Variants in NAALADL2 observed in about 807,000 individuals in gnomAD.
NAALADL2 encodes the protein inactive N-acetylated-alpha-linked acidic dipeptidase-like protein 2.
In NAALADL2, 76 loss-of-function variants were observed where a neutral mutation model predicts 87.2. That is an observed-to-expected ratio of 0.87 (90% confidence interval 0.72 to 1.05). NAALADL2 has a LOEUF of 1.05. NAALADL2 is among the 50% of genes least tolerant of loss of function. The pLI is 0.00. For missense variants in NAALADL2, 1,089 were observed against 945.8 expected, an observed-to-expected ratio of 1.15 and a Z score of -1.99; for synonymous variants, 354 against 331.0, an observed-to-expected ratio of 1.07 and a Z score of -0.75.
chr3:175,123,014 C>G (rs1230414019), intron 2 of NAALADL2, among the ~76,000 whole-genome samples: 1 of 151,836 alleles, frequency 6.6e-6, no homozygotes, highest in Non-Finnish European at 1.5e-5. Flanking sequence ...ATAATGAACC[C>G]ATTTTCATGA....
intron 1 of NAALADL2, among the ~76,000 whole-genome samples, chr3:174,496,290 A>G (rs1328574350): frequency 6.6e-6 from 1 of 152,152 alleles, no homozygotes; most frequent in Non-Finnish European, 1.5e-5. Context: ...GAGAAAATGT[A>G]ACTTCCATTA....
intron 1 of NAALADL2, among the ~76,000 whole-genome samples, chr3:174,919,172 G>A (rs186109661): frequency 1.3e-5 from 2 of 152,160 alleles, no homozygotes; most frequent in Non-Finnish European, 2.9e-5. Flanking sequence ...CTGACTGATC[G>A]TGGTGGTGAT....
At chr3:174,640,461 G>T (rs1723060687) in intron 2 of NAALADL2, among the ~76,000 whole-genome samples, 1 of 152,162 alleles carries the variant, frequency 6.6e-6, no homozygotes, top group Non-Finnish European at 1.5e-5. Flanking sequence ...ATCAGTGTGT[G>T]TGTGTGGAAG....
At chr3:174,826,097 A>T (rs1369535263) in intron 3 of NAALADL2, among the ~76,000 whole-genome samples, 1 of 152,004 alleles carries the variant, frequency 6.6e-6, no homozygotes, top group Admixed American at 6.5e-5. Context: ...CCAAGACAAA[A>T]CAAAACAAAA....
chr3:174,611,246 T>A (rs1002690411), intron 2 of NAALADL2, among the ~76,000 whole-genome samples: 1 of 151,868 alleles, frequency 6.6e-6, no homozygotes, highest in Non-Finnish European at 1.5e-5. Context: ...AGCACACCAG[T>A]ATGGCACATG....
intron 2 of NAALADL2, among the ~76,000 whole-genome samples, chr3:174,635,997 A>G (rs956468009): frequency 6.6e-6 from 1 of 152,132 alleles, no homozygotes; most frequent in Non-Finnish European, 1.5e-5. Flanking sequence ...TTTACTGTCC[A>G]TAATATTCAT....
intron 4 of NAALADL2, 78 bp downstream of exon 4, chr3:175,256,608 G>A (rs1749989014): frequency 7.0e-7 from 1 of 1,423,116 alleles, no homozygotes; most frequent in Admixed American, 2.1e-5. Context: ...TTTTGTGAGT[G>A]TGGAGTGTGT....
intron 5 of NAALADL2, among the ~76,000 whole-genome samples, chr3:175,415,247 A>G (rs1480554954): frequency 1.3e-5 from 2 of 152,220 alleles, no homozygotes; most frequent in Admixed American, 6.5e-5. Flanking sequence ...GTGGCTCTAA[A>G]TAAGCAACCA....
chr3:175,540,581 G>A (rs1377134206), intron 9 of NAALADL2, among the ~76,000 whole-genome samples: 1 of 152,116 alleles, frequency 6.6e-6, no homozygotes, highest in African/African-American at 2.4e-5. Flanking sequence ...AGGCTATGAA[G>A]CTCTGGGAGG....
Position 175,394,848 on chromosome 3 carries a change from C to A in NAALADL2, c.1091-52381C>A, listed in dbSNP as rs73186713. Among the ~76,000 whole-genome samples, 7 of 152,082 alleles carry A rather than the reference C, an allele frequency of 4.6e-5. No individual in the cohort carries two copies. In the East Asian group the frequency reaches 1.3e-3, roughly 29 times the overall value. Reference sequence around the variant, plus strand: ...ACTTTCCAAGTCTGAGGTGCAACAGCAAAACTAGCACAATTTTTTTCCCTT... The same window carrying A: ...ACTTTCCAAGTCTGAGGTGCAACAGAAAAACTAGCACAATTTTTTTCCCTT... On this transcript the variant is annotated intron_variant, in intron 5 of 13. Transcript: ENST00000454872.
At chr3:175,024,488 A>G (rs1177577405) in intron 1 of NAALADL2, among the ~76,000 whole-genome samples, 1 of 152,146 alleles carries the variant, frequency 6.6e-6, no homozygotes, top group African/African-American at 2.4e-5. Flanking sequence ...TATCTTAAAG[A>G]GAAAATACAA....
At chr3:175,412,037 G>A (rs1713622513) in intron 5 of NAALADL2, among the ~76,000 whole-genome samples, 1 of 152,156 alleles carries the variant, frequency 6.6e-6, no homozygotes, top group Admixed American at 6.5e-5. Context: ...AAATGCCCAA[G>A]GCTCTGCCCA....
intron 2 of NAALADL2, among the ~76,000 whole-genome samples, chr3:175,129,670 CT>C (rs1445163303): frequency 6.6e-6 from 1 of 152,152 alleles, no homozygotes; most frequent in African/African-American, 2.4e-5. Flanking sequence ...CATTGTATAT[CT>C]ATACACATGT....
intron 13 of NAALADL2, among the ~76,000 whole-genome samples, chr3:175,787,180 G>GC (rs1752118755): frequency 6.6e-6 from 1 of 152,154 alleles, no homozygotes; most frequent in Non-Finnish European, 1.5e-5. Context: ...TCTGTGCCCT[G>GC]CCCCCAGAGG....
At chr3:174,859,530 T>G (rs1186498272) in intron 1 of NAALADL2, 80 bp downstream of exon 1, 3 of 1,172,098 alleles carry the variant, frequency 2.6e-6, no homozygotes, top group Non-Finnish European at 3.8e-6. Context: ...TCTGTGTGTT[T>G]CTGTGTATGC....
chr3:175,089,428 C>T (rs938815304), intron 1 of NAALADL2, among the ~76,000 whole-genome samples: 2 of 152,166 alleles, frequency 1.3e-5, no homozygotes, highest in Non-Finnish European at 2.9e-5. Context: ...CTTCTACTGA[C>T]TAGCTGTGAG....
At chr3:175,501,424 G>GACACACACACACACACACAC (rs61284771) in intron 9 of NAALADL2, among the ~76,000 whole-genome samples, 1,640 of 148,898 alleles carry the variant, frequency 0.011, 27 homozygotes, top group African/African-American at 0.03. Context: ...ATACGTTTTA[G>GACACACACACACACACACAC]ACACACACAC....
chr3:174,763,462 C>T (rs564905220), intron 3 of NAALADL2, among the ~76,000 whole-genome samples: 2 of 151,474 alleles, frequency 1.3e-5, no homozygotes, highest in South Asian at 2.1e-4. Context: ...TGGTGCATAC[C>T]TGTAATCCCA....
intron 12 of NAALADL2, 119 bp from the exon 13 acceptor site, chr3:175,755,101 A>T: frequency 1.3e-6 from 1 of 775,960 alleles, no homozygotes. Context: ...GTCAATGACA[A>T]TTTCCTCTTC....
Sources: allele counts gnomAD v4.1 joint callset (sites outside exome capture counted in the v4.1 genomes callset), GRCh38; gene constraint gnomAD v4.1.1; transcripts MANE v1.5; gene names NCBI Gene and HGNC (gene_info 2026-07-23, HGNC 2026-07-21).